The following ZNF362 variants were observed in gnomAD, a reference collection of about 807,000 sequenced individuals.
The protein encoded by ZNF362 is rotund homolog.
Under a neutral mutation model 42.9 loss-of-function variants are expected in ZNF362, and 11 were observed. That is an observed-to-expected ratio of 0.26 (90% CI 0.16 to 0.42). The LOEUF (loss-of-function observed/expected upper bound fraction) is 0.42, where lower values mean the gene tolerates loss of function less well. ZNF362 is among the 20% of genes least tolerant of loss of function. ZNF362 has a pLI of 1.00. For synonymous variants in ZNF362, 255 were observed against 257.3 expected (o/e 0.99, Z 0.09); for missense variants, 362 against 576.2 (o/e 0.63, Z 3.81).
At chr1:33,173,088 C>T in the ZNF362 span, among the ~76,000 whole-genome samples, 2 of 152,138 alleles carry the variant, frequency 1.3e-5, no homozygotes, top group African/African-American at 4.8e-5. Context: ...TTGAACTTGC[C>T]TCTCCCTTTC....
At chr1:33,291,895 T>G (rs1377002365) in intron 6 of ZNF362, among the ~76,000 whole-genome samples, 1 of 152,310 alleles carries the variant, frequency 6.6e-6, no homozygotes. Context: ...TAAGAATGCT[T>G]GTGATTTTTG....
chr1:33,264,461 A>T (rs979764969), intron 1 of ZNF362, among the ~76,000 whole-genome samples: 12 of 152,148 alleles, frequency 7.9e-5, no homozygotes, highest in African/African-American at 2.9e-4. Context: ...GAAAGATTTT[A>T]TCCATATTAG....
the ZNF362 span, among the ~76,000 whole-genome samples, chr1:33,214,651 A>AAAATGAAGT: frequency 6.6e-6 from 1 of 152,232 alleles, no homozygotes; most frequent in Non-Finnish European, 1.5e-5. Flanking sequence ...TTGATCAGAA[A>AAAATGAAGT]AAATGAAGTA....
the ZNF362 span, among the ~76,000 whole-genome samples, chr1:33,224,097 A>G: frequency 6.6e-6 from 1 of 152,176 alleles, no homozygotes; most frequent in South Asian, 2.1e-4. Context: ...TTTACTGAAC[A>G]TGCAAAGAGA....
At chr1:33,224,859 T>C in the ZNF362 span, among the ~76,000 whole-genome samples, 1 of 152,086 alleles carries the variant, frequency 6.6e-6, no homozygotes, top group Non-Finnish European at 1.5e-5. Flanking sequence ...CACACAGTAG[T>C]CAAACTTCTG....
chr1:33,190,435 T>A, the ZNF362 span, among the ~76,000 whole-genome samples: 7 of 152,194 alleles, frequency 4.6e-5, no homozygotes, highest in African/African-American at 1.7e-4. Flanking sequence ...GAACTCCAGT[T>A]CCCTAGCAGC....
At chr1:33,161,987 G>A in the ZNF362 span, among the ~76,000 whole-genome samples, 2 of 152,044 alleles carry the variant, frequency 1.3e-5, no homozygotes, top group African/African-American at 4.8e-5. This position sits in a 1 kb window ranked among gnomAD's most constrained non-coding sequence, Gnocchi z 4.3. Context: ...CCATATAGAT[G>A]GCCTTGCCTG....
At chr1:33,212,937 T>C in the ZNF362 span, among the ~76,000 whole-genome samples, 2 of 152,232 alleles carry the variant, frequency 1.3e-5, no homozygotes, top group African/African-American at 4.8e-5. Flanking sequence ...TCACAATTTA[T>C]TTAGAAGTAA....
At chr1:33,190,453 C>A in the ZNF362 span, among the ~76,000 whole-genome samples, 1 of 152,204 alleles carries the variant, frequency 6.6e-6, no homozygotes, top group Admixed American at 6.5e-5. Context: ...AGCTACAACA[C>A]AATATAGAAG....
the ZNF362 span, among the ~76,000 whole-genome samples, chr1:33,235,583 T>C: frequency 6.6e-6 from 1 of 152,182 alleles, no homozygotes; most frequent in Non-Finnish European, 1.5e-5. Context: ...ACTGTCACTA[T>C]AGGTGTAGGG....
the ZNF362 span, among the ~76,000 whole-genome samples, chr1:33,131,974 G>C: frequency 6.6e-6 from 1 of 152,168 alleles, no homozygotes; most frequent in African/African-American, 2.4e-5. Flanking sequence ...ATCAAGGCAT[G>C]GTTGATTGAG....
At chr1:33,276,935 G>C (rs1645955142) in intron 4 of ZNF362, among the ~76,000 whole-genome samples, 1 of 152,276 alleles carries the variant, frequency 6.6e-6, no homozygotes, top group African/African-American at 2.4e-5. Context: ...CCAGATTTAG[G>C]GGGTAAGAGA....
At chr1:33,202,275 C>G in the ZNF362 span, among the ~76,000 whole-genome samples, 1 of 152,148 alleles carries the variant, frequency 6.6e-6, no homozygotes, top group Admixed American at 6.5e-5. Context: ...ATAAAACCAG[C>G]AGGTTGAATT....
the ZNF362 span, chr1:33,159,922 G>A: frequency 6.2e-7 from 1 of 1,606,312 alleles, no homozygotes; most frequent in East Asian, 2.2e-5. The surrounding 1 kb of genome is among the most constrained non-coding windows in gnomAD (Gnocchi z 4.2). Flanking sequence ...GCCGATAGTG[G>A]TCCGCAGGCT....
chr1:33,251,771 C>T (rs1645763205), upstream of ZNF362, among the ~76,000 whole-genome samples: 1 of 152,210 alleles, frequency 6.6e-6, no homozygotes, highest in South Asian at 2.1e-4. Flanking sequence ...CTTAATTGTC[C>T]CTTACTCTGG....
At chr1:33,158,754 C>T in the ZNF362 span, among the ~76,000 whole-genome samples, 1 of 152,210 alleles carries the variant, frequency 6.6e-6, no homozygotes, top group African/African-American at 2.4e-5. Context: ...GTCACAGAGA[C>T]CTAGGCTTGA....
At chr1:33,193,004 C>CACACACACATATATATAT in the ZNF362 span, among the ~76,000 whole-genome samples, 8 of 137,292 alleles carry the variant, frequency 5.8e-5, no homozygotes, top group South Asian at 5.0e-4. Context: ...CACACACACA[C>CACACACACATATATATAT]ATATATATAT....
chr1:33,227,819 A>G, the ZNF362 span, among the ~76,000 whole-genome samples: 1 of 151,854 alleles, frequency 6.6e-6, no homozygotes, highest in East Asian at 1.9e-4. Context: ...CAGGTGCCCT[A>G]GAGAAGCCAG....
At chr1:33,161,080 T>C in the ZNF362 span, among the ~76,000 whole-genome samples, 48 of 152,358 alleles carry the variant, frequency 3.2e-4, no homozygotes, top group East Asian at 8.5e-3. The surrounding 1 kb of genome is among the most constrained non-coding windows in gnomAD (Gnocchi z 4.3). Flanking sequence ...TTTTCTTATC[T>C]GTGAAAGGAG....
Sources: allele counts gnomAD v4.1 joint callset (sites outside exome capture counted in the v4.1 genomes callset), GRCh38; gene constraint gnomAD v4.1.1; non-coding constraint Gnocchi (gnomAD v3.1); transcripts MANE v1.5; gene names NCBI Gene and HGNC (gene_info 2026-07-23, HGNC 2026-07-21).